The following ADAM22 variants were observed in gnomAD, a reference collection of about 807,000 sequenced individuals.
ADAM22 encodes disintegrin and metalloproteinase domain-containing protein 22.
In ADAM22, 65 loss-of-function variants were observed where a neutral mutation model predicts 144.6. The ratio of observed to expected loss-of-function variants is 0.45; its 90% CI spans 0.37 to 0.55. The LOEUF (loss-of-function observed/expected upper bound fraction) is 0.55, where lower values mean the gene tolerates loss of function less well. Among genes scored for constraint, ADAM22 ranks in the 20% least tolerant of loss-of-function variants. ADAM22 has a pLI of 0.00. For missense variants in ADAM22, 974 were observed against 1,184.9 expected, an observed-to-expected ratio of 0.82 and a Z score of 2.61; for synonymous variants, 391 against 412.6, an observed-to-expected ratio of 0.95 and a Z score of 0.63.
chr7:87,966,733 T>TGTTTTG (rs1562874273), intron 2 of ADAM22, among the ~76,000 whole-genome samples: 1 of 130,870 alleles, frequency 7.6e-6, no homozygotes, highest in African/African-American at 2.9e-5. Flanking sequence ...TTTTTTTTTT[T>TGTTTTG]TTTTTTTTTT....
chr7:88,130,311 G>A, intron 9 of ADAM22, 77 bp from the exon 10 acceptor site: 2 of 1,068,202 alleles, frequency 1.9e-6, no homozygotes, highest in Non-Finnish European at 2.7e-6. Flanking sequence ...TCTTTCAATT[G>A]CACCATGTTT....
chr7:88,139,828 G>A (rs554126357), intron 14 of ADAM22, among the ~76,000 whole-genome samples: 3 of 152,086 alleles, frequency 2.0e-5, no homozygotes, highest in Non-Finnish European at 2.9e-5. Flanking sequence ...AGGCATGATC[G>A]GACTGGATGC....
intron 4 of ADAM22, among the ~76,000 whole-genome samples, chr7:88,081,088 T>C (rs1048769524): frequency 2.0e-5 from 3 of 152,150 alleles, no homozygotes; most frequent in Non-Finnish European, 4.4e-5. Flanking sequence ...GCAAAAATCC[T>C]CAATAAAATA....
At chr7:88,055,971 G>T (rs746350017) in intron 3 of ADAM22, among the ~76,000 whole-genome samples, 1 of 152,138 alleles carries the variant, frequency 6.6e-6, no homozygotes. Context: ...GACTTTTACA[G>T]CTGTGATACC....
At chr7:88,108,453 CG>C (rs1242881977) in intron 5 of ADAM22, among the ~76,000 whole-genome samples, 195 bp downstream of exon 5, 2 of 151,486 alleles carry the variant, frequency 1.3e-5, no homozygotes, top group Non-Finnish European at 2.9e-5. Flanking sequence ...AATGGTCGGG[CG>C]TGGTGGCTCA....
Position 88,196,572 on chromosome 7 carries a change from A to G in ADAM22, c.*81A>G. On this transcript the variant is annotated 3_prime_UTR_variant, in exon 32 of 32. Transcript: ENST00000413139. ...ACCCAGGCTCATGGAATCACTGCAA[A>G]TCTATCTGCTCTTCAGACAATACGA... is the stretch of plus-strand genomic sequence containing the variant. 6.9e-7 allele frequency: 1 copy of G among 1,445,194 alleles called. No homozygotes were observed. Among genetic ancestry groups the G allele is most frequent in the South Asian group, 1.1e-5 (1 of 87,588 alleles). 89.5% of individuals were successfully genotyped at this position (1,445,194 alleles called of 1,614,324 possible). A position where few individuals can be genotyped will look rare whatever the true frequency, so the allele number is the denominator to read the frequency against.
chr7:88,094,829 G>A (rs1480097867), intron 4 of ADAM22, among the ~76,000 whole-genome samples: 1 of 151,998 alleles, frequency 6.6e-6, no homozygotes, highest in South Asian at 2.1e-4. Flanking sequence ...TTTTTTGGTT[G>A]TTATTTTTAA....
intron 17 of ADAM22, among the ~76,000 whole-genome samples, chr7:88,147,917 C>G (rs1380522497): frequency 6.6e-6 from 1 of 152,130 alleles, no homozygotes; most frequent in African/African-American, 2.4e-5. Context: ...ATGCAAGTTC[C>G]TGATGAGCAG....
intron 29 of ADAM22, chr7:88,186,329 C>G (rs756346939): frequency 2.6e-6 from 1 of 388,472 alleles, no homozygotes. Flanking sequence ...GCTGACTGTA[C>G]TGTGATTGAA....
intron 2 of ADAM22, among the ~76,000 whole-genome samples, chr7:87,954,479 C>A (rs1207971596): frequency 6.6e-6 from 1 of 152,314 alleles, no homozygotes; most frequent in East Asian, 1.9e-4. Flanking sequence ...CCCCCACTCT[C>A]TTCTGGCTTG....
chr7:87,943,033 G>A (rs1036814901), intron 2 of ADAM22, among the ~76,000 whole-genome samples: 6 of 151,738 alleles, frequency 4.0e-5, no homozygotes, highest in African/African-American at 1.2e-4. Flanking sequence ...AGTTGAATGT[G>A]TTTACTTTGA....
chr7:88,190,315 A>ATT (rs1315460385), intron 30 of ADAM22, among the ~76,000 whole-genome samples: 1 of 152,056 alleles, frequency 6.6e-6, no homozygotes, highest in Non-Finnish European at 1.5e-5. Context: ...TGGGTGGATC[A>ATT]TTTGAGGTCA....
intron 8 of ADAM22, among the ~76,000 whole-genome samples, chr7:88,125,991 G>T (rs1002103417): frequency 6.6e-6 from 1 of 151,894 alleles, no homozygotes; most frequent in Non-Finnish European, 1.5e-5. Context: ...CACTTGTATG[G>T]TTTATATCCT....
chr7:87,982,219 A>G (rs1051045508), intron 3 of ADAM22, among the ~76,000 whole-genome samples: 14 of 152,178 alleles, frequency 9.2e-5, no homozygotes, highest in African/African-American at 1.2e-4. Context: ...GGGAATTTGC[A>G]TCTAGCCAGA....
chr7:88,013,704 G>A (rs1453361537), intron 3 of ADAM22, among the ~76,000 whole-genome samples: 1 of 152,166 alleles, frequency 6.6e-6, no homozygotes, highest in Non-Finnish European at 1.5e-5. Context: ...GGGATTACAG[G>A]CGTGAGCCAC....
Position 87,999,267 on chromosome 7 carries a change from G to T in ADAM22, c.323+20855G>T, listed in dbSNP as rs200429945. ...AATGTTACAGATAAGAAGGGAAAAA[G>T]ATGGAAGATAACATTTATGAAACAG... On this transcript the variant is annotated intron_variant, in intron 3 of 31. Coordinates refer to ENST00000413139, the MANE Select transcript of ADAM22 (RefSeq NM_001324418.2). 3.9e-5 allele frequency among the ~76,000 whole-genome samples: 6 copies of T among 152,154 alleles called. No homozygotes were observed. In the East Asian group the frequency reaches 1.2e-3, roughly 29 times the overall value.
intron 6 of ADAM22, among the ~76,000 whole-genome samples, chr7:88,116,307 A>G (rs1410013774): frequency 1.3e-5 from 2 of 152,156 alleles, no homozygotes; most frequent in African/African-American, 2.4e-5. Context: ...AACAGGGTCC[A>G]CTTTGGACAT....
Position 87,978,050 on chromosome 7 carries a change from G to A in ADAM22, c.247-286G>A, listed in dbSNP as rs949468696. 2.0e-5 allele frequency among the ~76,000 whole-genome samples: 3 copies of A among 152,102 alleles called. No individual in the cohort carries two copies. In the South Asian group the frequency reaches 6.2e-4, roughly 32 times the overall value. Reference sequence around the variant, plus strand: ...GAGCTAGTCACTTAAAATCAGATAAGATGAATGAAGTGCAGTCATCTTAGA... The same window carrying A: ...GAGCTAGTCACTTAAAATCAGATAAAATGAATGAAGTGCAGTCATCTTAGA... On this transcript the variant is annotated intron_variant, in intron 2 of 31. Transcript: ENST00000413139.
chr7:88,107,032 C>T (rs1346629454), intron 4 of ADAM22, among the ~76,000 whole-genome samples: 3 of 151,988 alleles, frequency 2.0e-5, no homozygotes, highest in Non-Finnish European at 4.4e-5. Context: ...TTGCTGGTTT[C>T]AGAAAAGAAT....
Sources: gnomAD v4.1 joint callset for allele counts (sites outside exome capture counted in the v4.1 genomes callset) on GRCh38, gnomAD v4.1.1 for gene constraint, MANE v1.5 for transcripts, NCBI Gene and HGNC (gene_info 2026-07-23, HGNC 2026-07-21) for gene names.